Variants in SLC43A1 observed in about 807,000 individuals in gnomAD.
SLC43A1 encodes large neutral amino acids transporter small subunit 3.
SLC43A1 carries 31 observed loss-of-function variants against 59.5 expected under a neutral mutation model. The ratio of observed to expected loss-of-function variants is 0.52; its 90% CI spans 0.39 to 0.70. SLC43A1 has a LOEUF of 0.70. Ranked by LOEUF, SLC43A1 falls within the 30% of genes least tolerant of loss-of-function variation. The pLI is 0.00. For synonymous variants in SLC43A1, 259 were observed against 290.9 expected, an observed-to-expected ratio of 0.89 and a Z score of 1.12; for missense variants, 598 against 717.8, an observed-to-expected ratio of 0.83 and a Z score of 1.91.
Position 57,514,717 on chromosome 11 carries a change from C to T in SLC43A1, c.-13-593G>A, listed in dbSNP as rs1435630766. On this transcript the variant is annotated intron_variant, in intron 1 of 14. Coordinates refer to ENST00000278426, the MANE Select transcript of SLC43A1 (RefSeq NM_003627.6). The surrounding 1 kb of genome is among the most constrained non-coding windows in gnomAD (Gnocchi z 5.5). Reference sequence around the variant, plus strand: ...TCTCGGGCCAAGCCAACAGCTGCCACGTGGAGGGAGACCCAGGACGGGCTC... The same window carrying T: ...TCTCGGGCCAAGCCAACAGCTGCCATGTGGAGGGAGACCCAGGACGGGCTC... The T allele has an allele frequency of 1.6e-6, 1 of 625,790 alleles. No homozygotes were observed. The highest frequency in any genetic ancestry group is 2.0e-6 in the Non-Finnish European group (1 of 501,040). 38.8% of individuals were successfully genotyped at this position (625,790 alleles called of 1,614,324 possible).
Position 57,485,149 on chromosome 11 carries a change from C to T in SLC43A1, c.1627G>A (p.Ala543Thr), listed in dbSNP as rs750422682. Residue 543 changes from alanine (A) to threonine (T), a missense_variant, in exon 15 of 15, where the codon GCC becomes ACC. Coordinates refer to ENST00000278426, the MANE Select transcript of SLC43A1 (RefSeq NM_003627.6). Reference protein sequence around the residue: ...YRARLQQEYAANGMGPLKVLS... With the variant: ...YRARLQQEYATNGMGPLKVLS... ...ACCTTCAGTGGGCCCATCCCATTGG[C>T]GGCGTACTCCTGCTGGAGCCGGGCA... 5.0e-6 allele frequency: 8 copies of T among 1,614,040 alleles called. No individual in the cohort carries two copies. The highest frequency in any genetic ancestry group is 1.6e-4 in the Middle Eastern group (1 of 6,062).
intron 2 of SLC43A1, among the ~76,000 whole-genome samples, chr11:57,505,668 T>A (rs909774105): frequency 1.3e-5 from 2 of 150,546 alleles, no homozygotes; most frequent in African/African-American, 4.9e-5. Flanking sequence ...AATGAAGCTA[T>A]TTTTTTTTAA....
At chr11:57,511,374 A>G (rs1473241306) in intron 2 of SLC43A1, among the ~76,000 whole-genome samples, 1 of 151,044 alleles carries the variant, frequency 6.6e-6, no homozygotes, top group East Asian at 2.0e-4. Flanking sequence ...GCTGCAGTGA[A>G]CTGTGATTGT....
At chr11:57,493,855 G>A (rs879026040) in intron 8 of SLC43A1, 138 bp downstream of exon 8, 3 of 765,770 alleles carry the variant, frequency 3.9e-6, no homozygotes, top group Non-Finnish European at 5.9e-6. Flanking sequence ...TGTAAATGAG[G>A]AGCATGCCCC....
chr11:57,502,117 CAAGTT>C (rs1944283517), intron 2 of SLC43A1, among the ~76,000 whole-genome samples: 2 of 152,200 alleles, frequency 1.3e-5, no homozygotes, highest in African/African-American at 4.8e-5. Context: ...GGAGTTGTGA[CAAGTT>C]AAGGAGAAAA....
At position 57,514,886 on chromosome 11, in the gene SLC43A1, T is replaced by G. The variant is rs1944647113; in HGVS notation, c.-14+558A>C. 1.0e-6 allele frequency: 1 copy of G among 984,420 alleles called. No individual in the cohort carries two copies. The highest frequency in any genetic ancestry group is 6.2e-5 in the Admixed American group (1 of 16,242). 61.0% of individuals were successfully genotyped at this position (984,420 alleles called of 1,614,324 possible). ...GGCAGGAAGTCTGGCGGCTGCTGAC[T>G]TTATAAGGGCAGCGGTGGCGGATGG... is the stretch of plus-strand genomic sequence containing the variant. On this transcript the variant is annotated intron_variant, in intron 1 of 14. Transcript: ENST00000278426. The surrounding 1 kb of genome is among the most constrained non-coding windows in gnomAD (Gnocchi z 5.5).
At chr11:57,510,569 A>C (rs1944513505) in intron 2 of SLC43A1, among the ~76,000 whole-genome samples, 1 of 151,614 alleles carries the variant, frequency 6.6e-6, no homozygotes, top group African/African-American at 2.4e-5. Flanking sequence ...GGCTGGTCCC[A>C]GTGCAGTGGT....
chr11:57,500,549 CACAA>C (rs1488037840), intron 5 of SLC43A1, among the ~76,000 whole-genome samples: 1 of 152,194 alleles, frequency 6.6e-6, no homozygotes, highest in Non-Finnish European at 1.5e-5. Flanking sequence ...GCTCTGTACA[CACAA>C]ACACACACAT....
intron 2 of SLC43A1, among the ~76,000 whole-genome samples, chr11:57,506,151 G>C (rs573299517): frequency 1.3e-5 from 2 of 152,154 alleles, no homozygotes; most frequent in Non-Finnish European, 2.9e-5. Flanking sequence ...TTTGAGACTA[G>C]CCCTGGCAAC....
chr11:57,511,357 G>A (rs940769497), intron 2 of SLC43A1, among the ~76,000 whole-genome samples: 2 of 151,914 alleles, frequency 1.3e-5, no homozygotes, highest in African/African-American at 2.4e-5. Context: ...GAGCCCAGGA[G>A]GTTGAAGCTG....
intron 2 of SLC43A1, among the ~76,000 whole-genome samples, chr11:57,508,758 C>CAGAGTGAGACAGAA (rs1944453964): frequency 2.6e-5 from 4 of 152,102 alleles, no homozygotes; most frequent in Non-Finnish European, 5.9e-5. Flanking sequence ...CCACTGAACT[C>CAGAGTGAGACAGAA]CTGCCTAGCT....
At chr11:57,500,959 G>T (rs1437200953) in intron 4 of SLC43A1, 29 bp downstream of exon 4, 1 of 1,597,168 alleles carries the variant, frequency 6.3e-7, no homozygotes, top group Admixed American at 1.8e-5. Context: ...TTCTTTTCTT[G>T]TGGGGCCACA....
intron 7 of SLC43A1, 64 bp downstream of exon 7, chr11:57,495,967 G>A (rs1299114934): frequency 1.4e-5 from 22 of 1,563,134 alleles, no homozygotes; most frequent in African/African-American, 6.8e-5. Flanking sequence ...AGTTAATTCC[G>A]TCTATCATAT....
intron 13 of SLC43A1, among the ~76,000 whole-genome samples, chr11:57,488,621 G>T (rs1350833657): frequency 1.3e-5 from 2 of 152,208 alleles, no homozygotes; most frequent in African/African-American, 4.8e-5. Flanking sequence ...CTGCCCTTGG[G>T]AAATTTCTTC....
At chr11:57,497,704 C>T (rs763999185) in intron 6 of SLC43A1, 49 bp downstream of exon 6, 1 of 1,464,066 alleles carries the variant, frequency 6.8e-7, no homozygotes, top group South Asian at 1.2e-5. Context: ...CACTCGGCCC[C>T]ACCCGGTTCT....
chr11:57,511,583 A>C (rs929211032), intron 2 of SLC43A1, among the ~76,000 whole-genome samples: 5 of 152,164 alleles, frequency 3.3e-5, no homozygotes, highest in African/African-American at 1.2e-4. Flanking sequence ...CTTGGATTAC[A>C]GATGAGCCAC....
intron 11 of SLC43A1, among the ~76,000 whole-genome samples, 158 bp downstream of exon 11, chr11:57,491,066 T>C (rs1943882461): frequency 6.6e-6 from 1 of 152,232 alleles, no homozygotes; most frequent in African/African-American, 2.4e-5. Flanking sequence ...GCCAGGTCCC[T>C]TCCTAGCCTC....
chr11:57,509,153 C>G (rs1944463853), intron 2 of SLC43A1, among the ~76,000 whole-genome samples: 1 of 151,928 alleles, frequency 6.6e-6, no homozygotes. Context: ...CTTTGGTCAC[C>G]TCTAGTAATC....
At chr11:57,486,636 A>G (rs1943737260) in intron 14 of SLC43A1, among the ~76,000 whole-genome samples, 1 of 149,158 alleles carries the variant, frequency 6.7e-6, no homozygotes, top group Non-Finnish European at 1.5e-5. Context: ...CGTCTCTACT[A>G]AAAATCCAAA....
Sources: gnomAD v4.1 joint callset for allele counts (sites outside exome capture counted in the v4.1 genomes callset) on GRCh38, gnomAD v4.1.1 for gene constraint, Gnocchi (gnomAD v3.1) non-coding constraint, MANE v1.5 for transcripts, NCBI Gene and HGNC (gene_info 2026-07-23, HGNC 2026-07-21) for gene names.